CEP97: variants seen among roughly 807,000 people sequenced by gnomAD.
CEP97 encodes centrosomal protein 97.
Under a neutral mutation model 73.1 loss-of-function variants are expected in CEP97, and 43 were observed. That is an observed-to-expected ratio of 0.59 (90% confidence interval 0.46 to 0.76). CEP97 has a LOEUF of 0.76. Among genes scored for constraint, CEP97 ranks in the 30% least tolerant of loss-of-function variants. CEP97 has a pLI of 0.00. For missense variants in CEP97, 939 were observed against 1,014.0 expected (o/e 0.93, Z 1.00); for synonymous variants, 337 against 370.0 (o/e 0.91, Z 1.02).
intron 9 of CEP97, among the ~76,000 whole-genome samples, chr3:101,761,835 T>C (rs1160276642): frequency 6.6e-6 from 1 of 152,114 alleles, no homozygotes; most frequent in African/African-American, 2.4e-5. Context: ...GTTTGGGTGA[T>C]AATGGATCAC....
chr3:101,726,803 A>T, intron 2 of CEP97, 67 bp downstream of exon 2: 1 of 1,236,882 alleles, frequency 8.1e-7, no homozygotes. Context: ...CAATAAAATA[A>T]CCTGACAAAA....
chr3:101,731,432 C>A (rs1381062476), intron 4 of CEP97, among the ~76,000 whole-genome samples: 1 of 152,040 alleles, frequency 6.6e-6, no homozygotes, highest in Non-Finnish European at 1.5e-5. Flanking sequence ...AACTCCTGGG[C>A]TCAAGCAATC....
In CEP97 at chr3:101,757,131, C is replaced by T. The variant is rs757566858; in HGVS notation, c.962C>T (p.Thr321Ile). 1 of 1,613,378 alleles carries T rather than the reference C, an allele frequency of 6.2e-7. No individual in the cohort carries two copies. The highest frequency in any genetic ancestry group is 1.1e-5 in the South Asian group (1 of 90,930). ...TTGTCTCCTCTTGTTCCTGTTGAAA[C>T]AAGGGCATCCCTTATTCCTGAGCAT... The part of the protein sequence containing the change: ...EELSPLVPVE[T>I]RASLIPEHSS... The change falls in exon 8 of 11, where the codon ACA becomes ATA. Residue 321 changes from threonine to isoleucine, a missense_variant. Coordinates refer to ENST00000341893, the MANE Select transcript of CEP97 (RefSeq NM_024548.4).
chr3:101,739,034 A>G (rs888353886), intron 6 of CEP97, among the ~76,000 whole-genome samples: 7 of 152,110 alleles, frequency 4.6e-5, no homozygotes, highest in Admixed American at 4.6e-4. Context: ...ACCATCAGAG[A>G]ATAAACACCT....
At chr3:101,738,544 C>T (rs1174027717) in intron 6 of CEP97, among the ~76,000 whole-genome samples, 4 of 152,020 alleles carry the variant, frequency 2.6e-5, no homozygotes, top group Non-Finnish European at 5.9e-5. Flanking sequence ...AACTTAAAAC[C>T]GCCCAACTAC....
intron 6 of CEP97, among the ~76,000 whole-genome samples, chr3:101,735,754 A>G (rs1008084972): frequency 6.6e-6 from 1 of 152,196 alleles, no homozygotes; most frequent in Admixed American, 6.5e-5. Context: ...CTGGGTTTCA[A>G]GCACAAAAGT....
Position 101,757,130 on chromosome 3 carries a change from A to G in CEP97, c.961A>G (p.Thr321Ala). 3 of 1,613,612 alleles carry G rather than the reference A, an allele frequency of 1.9e-6. No individual in the cohort carries two copies. The South Asian group carries it at 3.3e-5, about 18-fold the overall frequency. ...GTTGTCTCCTCTTGTTCCTGTTGAA[A>G]CAAGGGCATCCCTTATTCCTGAGCA... ...EELSPLVPVE[T>A]RASLIPEHSS... The change falls in exon 8 of 11, where the codon ACA (threonine) becomes GCA (alanine). Residue 321 changes from threonine to alanine, a missense_variant. Coordinates refer to ENST00000341893, the MANE Select transcript of CEP97 (RefSeq NM_024548.4).
At chr3:101,759,046 T>C (rs1400166024) in intron 9 of CEP97, 1 of 152,634 alleles carries the variant, frequency 6.6e-6, no homozygotes, top group Non-Finnish European at 1.5e-5. Flanking sequence ...GGAGCAAGTG[T>C]TTCAGGAGAG....
At chr3:101,763,253 T>C (rs1237662724) in intron 10 of CEP97, 3 of 1,172,856 alleles carry the variant, frequency 2.6e-6, no homozygotes, top group Non-Finnish European at 3.2e-6. Flanking sequence ...AAAATAATTA[T>C]TGATTTGTAA....
intron 5 of CEP97, 34 bp from the exon 6 acceptor site, chr3:101,732,454 T>A (rs755014172): frequency 1.3e-6 from 2 of 1,523,316 alleles, no homozygotes; most frequent in Non-Finnish European, 1.8e-6. Flanking sequence ...CACTGAATAG[T>A]CCTTTTGTTC....
At position 101,752,974 on chromosome 3, in the gene CEP97, T is replaced by G. The variant is rs551286844; in HGVS notation, c.729-2456T>G. 1.2e-3 allele frequency among the ~76,000 whole-genome samples: 176 copies of G among 152,210 alleles called. 1 individual carries two copies. The highest frequency in any genetic ancestry group is 4.0e-3 in the African/African-American group (165 of 41,530). ...CTTTGGAGGAGGAGAGGTGCTCTGG[T>G]TTTTAGAGTTTCCAGTTTTTCTGCT... On this transcript the variant is annotated intron_variant, in intron 6 of 10. Coordinates refer to ENST00000341893, the MANE Select transcript of CEP97 (RefSeq NM_024548.4).
At position 101,757,907 on chromosome 3, in the gene CEP97, G is replaced by T; in HGVS notation, c.1301G>T (p.Gly434Val). The part of the protein sequence containing the change: ...QGINLGLEDD[G>V]VADESVKGLE... ...ATTAACTTGGGCCTAGAAGATGATG[G>T]TGTTGCAGATGAATCTGTGAAAGGG... Residue 434 changes from glycine to valine, a missense_variant, in exon 9 of 11, where the codon GGT (glycine) becomes GTT (valine). Physicochemically the swap from Gly to Val is moderately radical, Grantham distance 109 (BLOSUM62 -3). Transcript: ENST00000341893. 6.2e-7 allele frequency: 1 copy of T among 1,614,258 alleles called. No individual in the cohort carries two copies. Among genetic ancestry groups the T allele is most frequent in the Non-Finnish European group, 8.5e-7 (1 of 1,180,046 alleles).
rs536437683 is a variant in CEP97 at position 101,765,039 on chromosome 3, C to A, written c.2086C>A (p.Pro696Thr). The A allele has an allele frequency of 6.2e-7, 1 of 1,614,128 alleles. No individual in the cohort carries two copies. Among genetic ancestry groups the A allele is most frequent in the African/African-American group, 1.3e-5 (1 of 75,036 alleles). Residue 696 changes from proline to threonine, a missense_variant, in exon 11 of 11, where the codon CCA becomes ACA. Pro to Thr is a conservative substitution (Grantham distance 38). Transcript: ENST00000341893. ...TGTAGCTCCTCAAGAGAAATCATTA[C>A]CAGAATTTCCAGACTCTGGTTTTCA... is the stretch of plus-strand genomic sequence containing the variant. ...SDVAPQEKSL[P>T]EFPDSGFHSS...
chr3:101,725,835 C>T (rs1328157398), intron 1 of CEP97, among the ~76,000 whole-genome samples: 1 of 151,008 alleles, frequency 6.6e-6, no homozygotes, highest in Non-Finnish European at 1.5e-5. Context: ...TTACAGAGCA[C>T]TTTGTATGAC....
rs1326514943 is a variant in CEP97, at chr3:101,766,340, A to G, written c.*789A>G. 1 of 152,628 alleles carries G rather than the reference A, an allele frequency of 6.6e-6. No individual in the cohort carries two copies. Among genetic ancestry groups the G allele is most frequent in the African/African-American group, 2.4e-5 (1 of 41,452 alleles). The allele number at this position is 152,628 out of a possible 1,614,324, so 9.5% of individuals were successfully genotyped here. On this transcript the variant is annotated 3_prime_UTR_variant, in exon 11 of 11. Coordinates refer to ENST00000341893, the MANE Select transcript of CEP97 (RefSeq NM_024548.4). ...ATGGCAAATATTTATCCTCTCATTA[A>G]GTGCTTTTTCACCCTATAGGTAAGC...
chr3:101,732,878 A>C (rs190170212), intron 6 of CEP97, among the ~76,000 whole-genome samples: 1 of 151,936 alleles, frequency 6.6e-6, no homozygotes, highest in Non-Finnish European at 1.5e-5. Context: ...TAATCCTTGC[A>C]CTTTGGAAAG....
At chr3:101,727,587 A>C in intron 3 of CEP97, 46 bp downstream of exon 3, 1 of 1,521,024 alleles carries the variant, frequency 6.6e-7, no homozygotes, top group African/African-American at 1.4e-5. Flanking sequence ...GCGTAAAAAA[A>C]ATTCAAGCAA....
At chr3:101,739,213 G>A (rs78854987) in intron 6 of CEP97, among the ~76,000 whole-genome samples, 3 of 152,124 alleles carry the variant, frequency 2.0e-5, no homozygotes, top group East Asian at 1.9e-4. Context: ...AGGACCAGAC[G>A]GATTCACAGC....
In CEP97 at chr3:101,727,514, G is replaced by GTGGAAGGGCTAAAGGAACTAGTA; in HGVS notation, c.318_319insTGGAAGGGCTAAAGGAACTAGTA (p.Leu107TrpfsTer4). On this transcript the variant is annotated stop_gained and frameshift_variant, in exon 3 of 11. Transcript: ENST00000341893. LOFTEE classifies it high-confidence loss of function. ...TAAAGGAACTAGTACATCTGGAATG[G>GTGGAAGGGCTAAAGGAACTAGTA]CTGAATTTGGCAGGAAATAATCTTA... 6.2e-7 allele frequency: 1 copy of GTGGAAGGGCTAAAGGAACTAGTA among 1,610,730 alleles called. No individual in the cohort carries two copies. Among genetic ancestry groups the GTGGAAGGGCTAAAGGAACTAGTA allele is most frequent in the Non-Finnish European group, 8.5e-7 (1 of 1,178,626 alleles).
Sources: gnomAD v4.1 joint callset for allele counts (sites outside exome capture counted in the v4.1 genomes callset) on GRCh38, gnomAD v4.1.1 for gene constraint, MANE v1.5 for transcripts, NCBI Gene and HGNC (gene_info 2026-07-23, HGNC 2026-07-21) for gene names.